Variants in PRKAA1 observed in about 807,000 individuals in gnomAD.
PRKAA1 encodes 5'-AMP-activated protein kinase catalytic subunit alpha-1.
Under a neutral mutation model 56.9 loss-of-function variants are expected in PRKAA1, and 23 were observed. The observed-to-expected ratio is 0.40, with a 90% CI of 0.29 to 0.57. The LOEUF (loss-of-function observed/expected upper bound fraction) is 0.57, where lower values mean the gene tolerates loss of function less well. Ranked by LOEUF, PRKAA1 falls within the 20% of genes least tolerant of loss-of-function variation. The probability of loss-of-function intolerance (pLI) is 0.39; values close to 1 mark genes in which losing one functional copy is unlikely to be tolerated. For synonymous variants in PRKAA1, 226 were observed against 227.0 expected, an observed-to-expected ratio of 1.00 and a Z score of 0.04; for missense variants, 413 against 679.7, an observed-to-expected ratio of 0.61 and a Z score of 4.36.
chr5:40,777,680 T>A (rs1744076014), intron 1 of PRKAA1, 94 bp from the exon 2 acceptor site: 1 of 1,245,074 alleles, frequency 8.0e-7, no homozygotes, highest in Non-Finnish European at 1.1e-6. Context: ...ATGCCTGTAA[T>A]CCCAGCACTT....
intron 8 of PRKAA1, 192 bp downstream of exon 8, chr5:40,764,322 C>A: frequency 1.9e-6 from 1 of 526,036 alleles, no homozygotes. Flanking sequence ...CTTAAAAGGA[C>A]AATATGCTAT....
chr5:40,794,304 T>C (rs1296136000), intron 1 of PRKAA1, among the ~76,000 whole-genome samples: 1 of 152,212 alleles, frequency 6.6e-6, no homozygotes, highest in African/African-American at 2.4e-5. Flanking sequence ...GAGAACTGTC[T>C]ATTCATATCC....
chr5:40,797,951 C>T (rs954221532), intron 1 of PRKAA1, 112 bp downstream of exon 1: 2 of 1,493,698 alleles, frequency 1.3e-6, no homozygotes, highest in Non-Finnish European at 9.0e-7. Context: ...ACAGGGGCTG[C>T]CCAGCCCTGG....
chr5:40,782,923 T>A (rs752317935), intron 1 of PRKAA1, among the ~76,000 whole-genome samples: 2 of 152,204 alleles, frequency 1.3e-5, no homozygotes, highest in Non-Finnish European at 2.9e-5. Flanking sequence ...TAAAACTTTT[T>A]TCTAATACTT....
chr5:40,774,951 C>G (rs777061990), intron 3 of PRKAA1: 35 of 1,605,364 alleles, frequency 2.2e-5, no homozygotes, highest in Non-Finnish European at 2.7e-5. Flanking sequence ...CCTGTTTTTA[C>G]TACTCCAGGT....
At chr5:40,794,117 T>G (rs1255663241) in intron 1 of PRKAA1, among the ~76,000 whole-genome samples, 7 of 145,964 alleles carry the variant, frequency 4.8e-5, no homozygotes, top group Non-Finnish European at 9.1e-5. Flanking sequence ...AAAAAAAAAG[T>G]GTTCCCTGTT....
chr5:40,774,865 G>A (rs1561175005), intron 3 of PRKAA1: 1 of 1,302,586 alleles, frequency 7.7e-7, no homozygotes, highest in African/African-American at 1.5e-5. Flanking sequence ...GTAACTTAAG[G>A]TAGTGTTCAA....
chr5:40,767,784 C>A (rs377442798), intron 5 of PRKAA1, 94 bp from the exon 6 acceptor site: 4 of 1,093,954 alleles, frequency 3.7e-6, no homozygotes, highest in South Asian at 1.6e-5. Context: ...ATAAAGAATT[C>A]TTAAGCAGAA....
intron 1 of PRKAA1, among the ~76,000 whole-genome samples, chr5:40,785,450 G>C (rs965582858): frequency 1.3e-5 from 2 of 151,922 alleles, no homozygotes; most frequent in Non-Finnish European, 2.9e-5. Flanking sequence ...ATGTTGGTCA[G>C]GCTGGTCTTG....
At position 40,775,458 on chromosome 5, in the gene PRKAA1, T is replaced by G; in HGVS notation, c.315A>C (p.Glu105Asp). The change falls in exon 3 of 9, where the codon GAA becomes GAC. Residue 105 changes from glutamate to aspartate, a missense_variant. By Grantham distance (45) the Glu-to-Asp change is conservative (BLOSUM62 2). Transcript: ENST00000397128. ...CAAATAGCTCTCCTCCTGAGACATATTCCATCACCATGAAAATATCAGATG... is the reference window on the plus strand; with the variant it reads ...CAAATAGCTCTCCTCCTGAGACATAGTCCATCACCATGAAAATATCAGATG... ...STPSDIFMVM[E>D]YVSGGELFDY... 1 of 1,608,888 alleles carries G rather than the reference T, an allele frequency of 6.2e-7. No individual in the cohort carries two copies. The highest frequency in any genetic ancestry group is 2.2e-5 in the East Asian group (1 of 44,800).
chr5:40,788,747 A>T (rs1478705624), intron 1 of PRKAA1, among the ~76,000 whole-genome samples: 2 of 152,078 alleles, frequency 1.3e-5, no homozygotes, highest in Non-Finnish European at 2.9e-5. Context: ...GAATCGCTTG[A>T]ACCCGGGAGG....
At chr5:40,775,287 A>C in intron 3 of PRKAA1, 123 bp downstream of exon 3, 2 of 756,612 alleles carry the variant, frequency 2.6e-6, no homozygotes, top group Non-Finnish European at 4.6e-6. Context: ...TTCTAAACAA[A>C]TATATGACTA....
chr5:40,767,885 C>T (rs942924190), intron 5 of PRKAA1, among the ~76,000 whole-genome samples, 195 bp from the exon 6 acceptor site: 1 of 152,082 alleles, frequency 6.6e-6, no homozygotes, highest in Non-Finnish European at 1.5e-5. Context: ...GTAAATTACA[C>T]ACCATGGCTA....
At chr5:40,768,591 C>A (rs532413404) in intron 5 of PRKAA1, 50 of 1,042,784 alleles carry the variant, frequency 4.8e-5, no homozygotes, top group Non-Finnish European at 5.4e-5. Context: ...TACTCACAGC[C>A]ATATTTTTAC....
intron 1 of PRKAA1, among the ~76,000 whole-genome samples, chr5:40,793,298 A>G (rs913055214): frequency 1.3e-5 from 2 of 149,294 alleles, no homozygotes; most frequent in African/African-American, 4.9e-5. Context: ...AACTAGAAGG[A>G]AAAAAAAAAG....
At chr5:40,774,443 T>A (rs960826721) in intron 3 of PRKAA1, among the ~76,000 whole-genome samples, 1 of 151,354 alleles carries the variant, frequency 6.6e-6, no homozygotes, top group African/African-American at 2.4e-5. Context: ...ATTCAACTGG[T>A]AAAACTGAAG....
At chr5:40,765,822 T>A (rs1258583361) in intron 6 of PRKAA1, among the ~76,000 whole-genome samples, 1 of 152,096 alleles carries the variant, frequency 6.6e-6, no homozygotes. Flanking sequence ...TATGACCCAG[T>A]TCTGTGTGAC....
At chr5:40,777,337 T>C in intron 2 of PRKAA1, 108 bp downstream of exon 2, 1 of 1,297,568 alleles carries the variant, frequency 7.7e-7, no homozygotes, top group Non-Finnish European at 1.1e-6. Flanking sequence ...TCAAAACCCT[T>C]AGGAAACAAA....
At chr5:40,765,360 CT>C in intron 6 of PRKAA1, 122 bp from the exon 7 acceptor site, 1 of 1,178,664 alleles carries the variant, frequency 8.5e-7, no homozygotes, top group Non-Finnish European at 1.1e-6. Context: ...ATTATTGTCA[CT>C]TTTTGCACTG....
Sources: allele counts gnomAD v4.1 joint callset (sites outside exome capture counted in the v4.1 genomes callset), GRCh38; gene constraint gnomAD v4.1.1; transcripts MANE v1.5; gene names NCBI Gene and HGNC (gene_info 2026-07-23, HGNC 2026-07-21).